MAP2K1: variants seen among roughly 807,000 people sequenced by gnomAD.
MAP2K1 encodes mitogen-activated protein kinase kinase 1, also known as dual specificity mitogen-activated protein kinase kinase 1.
MAP2K1 carries 16 observed loss-of-function variants against 46.3 expected under a neutral mutation model. The observed-to-expected ratio is 0.35, with a 90% CI of 0.23 to 0.52. MAP2K1 has a LOEUF of 0.52. Ranked by LOEUF, MAP2K1 falls within the 20% of genes least tolerant of loss-of-function variation. MAP2K1 has a pLI of 0.94. For synonymous variants in MAP2K1, 183 were observed against 185.6 expected (o/e 0.99, Z 0.11); for missense variants, 263 against 497.1 (o/e 0.53, Z 4.48).
rs916502006 is a variant in MAP2K1 at position 66,387,390 on chromosome 15, C to G, written c.43C>G (p.Pro15Ala). The change falls in exon 1 of 11, where the codon CCC becomes GCC. Residue 15 changes from proline (P) to alanine (A), a missense_variant. By Grantham distance (27) the Pro-to-Ala change is conservative. This residue lies in a region of MAP2K1 where 31 missense variants were observed against 29.9 expected (regional missense o/e 1.04). Transcript: ENST00000307102. ...KPTPIQLNPA[P>A]DGSAVNGTSS... ...GACGCCCATCCAGCTGAACCCGGCC[C>G]CCGACGGCTCTGCAGTTAACGGGAC... 6.4e-6 allele frequency: 10 copies of G among 1,566,010 alleles called. No homozygotes were observed. The highest frequency in any genetic ancestry group is 7.8e-6 in the Non-Finnish European group (9 of 1,154,656).
intron 1 of MAP2K1, among the ~76,000 whole-genome samples, chr15:66,424,232 A>AT (rs2093451291): frequency 6.7e-6 from 1 of 149,998 alleles, no homozygotes; most frequent in African/African-American, 2.5e-5. Context: ...TAATTTTTAT[A>AT]TTTTCAGTAG....
chr15:66,472,373 C>G, intron 5 of MAP2K1, among the ~76,000 whole-genome samples: 1 of 151,724 alleles, frequency 6.6e-6, no homozygotes, highest in Non-Finnish European at 1.5e-5. Flanking sequence ...GCTTTCTTCT[C>G]TCGGGCCAGC....
intron 5 of MAP2K1, among the ~76,000 whole-genome samples, chr15:66,459,918 G>A (rs1231727906): frequency 1.3e-5 from 2 of 152,192 alleles, no homozygotes; most frequent in Non-Finnish European, 2.9e-5. Flanking sequence ...GCCAGGCATC[G>A]CTGAGCAGAA....
chr15:66,455,687 GTC>G (rs1370101814), intron 5 of MAP2K1, among the ~76,000 whole-genome samples: 15 of 152,174 alleles, frequency 9.9e-5, no homozygotes, highest in African/African-American at 3.4e-4. Context: ...TTTCTAATGT[GTC>G]TGCACCAGGT....
At chr15:66,398,916 G>C (rs1390831435) in intron 1 of MAP2K1, among the ~76,000 whole-genome samples, 4 of 152,028 alleles carry the variant, frequency 2.6e-5, no homozygotes, top group African/African-American at 9.7e-5. Context: ...GGGATTACAG[G>C]CACGTGCTAC....
In MAP2K1 at chr15:66,420,867, ATGTGTGTATATATATGTG is replaced by A. The variant is rs1464023001; in HGVS notation, c.81-14158_81-14141del. 8.1e-5 allele frequency among the ~76,000 whole-genome samples: 11 copies of A among 136,058 alleles called. 2 individuals carry two copies. Among genetic ancestry groups the A allele is most frequent in the Non-Finnish European group, 1.4e-4 (9 of 63,508 alleles). 89.3% of individuals were successfully genotyped at this position (136,058 alleles called of 152,430 possible). The stretch of plus-strand genomic sequence containing the variant: ...TGTGTATATATATGTGTGTATATAT[ATGTGTGTATATATATGTG>A]TATATATACACATACATACATACAC... On this transcript the variant is annotated intron_variant, in intron 1 of 10. Coordinates refer to ENST00000307102, the MANE Select transcript of MAP2K1 (RefSeq NM_002755.4).
chr15:66,469,454 A>G (rs957126520), intron 5 of MAP2K1, among the ~76,000 whole-genome samples: 5 of 142,498 alleles, frequency 3.5e-5, no homozygotes, highest in African/African-American at 5.2e-5. Flanking sequence ...TTCTCCCCCA[A>G]AGGGAGTCTG....
At chr15:66,409,077 G>A (rs947882773) in intron 1 of MAP2K1, among the ~76,000 whole-genome samples, 2 of 152,166 alleles carry the variant, frequency 1.3e-5, no homozygotes, top group Non-Finnish European at 2.9e-5. Flanking sequence ...GGTAACCGTA[G>A]CATCTGTCCT....
At chr15:66,460,139 T>C (rs1297078086) in intron 5 of MAP2K1, among the ~76,000 whole-genome samples, 3 of 152,378 alleles carry the variant, frequency 2.0e-5, no homozygotes, top group Non-Finnish European at 2.9e-5. Flanking sequence ...GGGATTCCTT[T>C]TGACTGTGTC....
chr15:66,457,328 C>CA (rs1012343282), intron 5 of MAP2K1, among the ~76,000 whole-genome samples: 2 of 152,134 alleles, frequency 1.3e-5, no homozygotes, highest in African/African-American at 4.8e-5. Flanking sequence ...CTATGTTGCC[C>CA]AGCCTGATCT....
At chr15:66,483,237 C>G (rs1390035780) in intron 6 of MAP2K1, among the ~76,000 whole-genome samples, 1 of 152,174 alleles carries the variant, frequency 6.6e-6, no homozygotes, top group Non-Finnish European at 1.5e-5. Context: ...CTTGCTGGCA[C>G]CTACCCCCCA....
intron 4 of MAP2K1, among the ~76,000 whole-genome samples, chr15:66,443,650 T>A (rs964619384): frequency 2.6e-5 from 4 of 151,958 alleles, no homozygotes; most frequent in African/African-American, 9.7e-5. Flanking sequence ...GCAGGAGGAC[T>A]GCTTGAGCCC....
At chr15:66,488,384 G>A (rs1475145295) in intron 8 of MAP2K1, among the ~76,000 whole-genome samples, 1 of 152,188 alleles carries the variant, frequency 6.6e-6, no homozygotes, top group Non-Finnish European at 1.5e-5. Flanking sequence ...GTGGGGATCA[G>A]TGTCTCATTT....
At chr15:66,487,080 C>G (rs1447715782) in intron 7 of MAP2K1, 148 bp from the exon 8 acceptor site, 1 of 690,248 alleles carries the variant, frequency 1.4e-6, no homozygotes, top group Non-Finnish European at 2.6e-6. Flanking sequence ...TTGCTGGTCC[C>G]CTCTGTGTTC....
At chr15:66,453,537 C>G (rs1336208300) in intron 5 of MAP2K1, 2 of 702,348 alleles carry the variant, frequency 2.8e-6, no homozygotes, top group South Asian at 3.0e-5. Context: ...CCTGAGCAAG[C>G]AGCACAGTGA....
intron 5 of MAP2K1, among the ~76,000 whole-genome samples, chr15:66,468,318 G>C (rs1375866545): frequency 2.6e-5 from 4 of 151,872 alleles, no homozygotes; most frequent in African/African-American, 9.7e-5. Context: ...TTGATAACCT[G>C]TTTCATTATG....
Position 66,438,628 on chromosome 15 carries a change from A to C in MAP2K1, c.438+1736A>C, listed in dbSNP as rs555723394. On this transcript the variant is annotated intron_variant, in intron 3 of 10. Coordinates refer to ENST00000307102, the MANE Select transcript of MAP2K1 (RefSeq NM_002755.4). ...ACTGGAGTTGGTTTCCCATTCTCTT[A>C]GCCCATTTCCAGTGACTGCAGGTCA... 3.3e-3 allele frequency among the ~76,000 whole-genome samples: 499 copies of C among 152,280 alleles called. 2 individuals are homozygous for C. Among genetic ancestry groups the C allele is most frequent in the Non-Finnish European group, 4.2e-3 (286 of 68,020 alleles).
chr15:66,485,770 T>C (rs183382563), intron 7 of MAP2K1, among the ~76,000 whole-genome samples: 33 of 152,192 alleles, frequency 2.2e-4, no homozygotes, highest in African/African-American at 6.7e-4. Flanking sequence ...TGTAGAGATA[T>C]AGTCTCCTTA....
intron 1 of MAP2K1, among the ~76,000 whole-genome samples, chr15:66,402,935 C>T (rs2093385857): frequency 6.6e-6 from 1 of 152,086 alleles, no homozygotes; most frequent in South Asian, 2.1e-4. Context: ...TCTCAAGGAC[C>T]TCCTGGGCCA....
Sources: allele counts gnomAD v4.1 joint callset (sites outside exome capture counted in the v4.1 genomes callset), GRCh38; gene constraint gnomAD v4.1.1; regional missense constraint gnomAD v4.1.1; transcripts MANE v1.5; gene names NCBI Gene and HGNC (gene_info 2026-07-23, HGNC 2026-07-21).